The following FAM156A variants were observed in gnomAD, a reference collection of about 807,000 sequenced individuals.
The protein encoded by FAM156A is protein FAM156A/FAM156B.
chrX:52,979,477 C>T (rs1235740096), intron 1 of FAM156A, among the ~76,000 whole-genome samples: 1 of 111,091 alleles, frequency 9.0e-6, no homozygotes, highest in Non-Finnish European at 1.9e-5. Context: ...CACCAACAGA[C>T]ACCTGCCCCT....
Position 52,984,834 on chromosome X carries a change from A to C in FAM156A, c.-434+10472T>G, listed in dbSNP as rs981019659. On this transcript the variant is annotated intron_variant, in intron 1 of 4. Transcript: ENST00000610625. The stretch of plus-strand genomic sequence containing the variant: ...CAGTGAGCTGAGATTGCACCACTGC[A>C]CTCCAGCCTGGGTGACAGAGTGAGA... Among the ~76,000 whole-genome samples, 10 of 109,842 alleles carry C rather than the reference A, an allele frequency of 9.1e-5. 1 individual carries two copies. The highest frequency in any genetic ancestry group is 1.7e-4 in the Non-Finnish European group (9 of 52,562).
chrX:52,980,018 C>T (rs782214218), intron 1 of FAM156A, among the ~76,000 whole-genome samples: 26 of 112,343 alleles, frequency 2.3e-4, no homozygotes, highest in Non-Finnish European at 4.1e-4. Context: ...TTATTGGAAG[C>T]GGCTACTGGC....
chrX:52,992,784 CCT>C (rs1930876042), intron 1 of FAM156A, among the ~76,000 whole-genome samples: 1 of 111,487 alleles, frequency 9.0e-6, no homozygotes, highest in Non-Finnish European at 1.9e-5. Flanking sequence ...TCCCCTTCTG[CCT>C]CTCTCTTCCA....
At chrX:52,983,765 A>T (rs1556793869) in intron 1 of FAM156A, among the ~76,000 whole-genome samples, 1 of 112,357 alleles carries the variant, frequency 8.9e-6, no homozygotes, top group Non-Finnish European at 1.9e-5. Context: ...AAAAGACGCC[A>T]AGGAATGCAG....
chrX:52,991,257 T>C (rs1278951454), intron 1 of FAM156A, among the ~76,000 whole-genome samples: 1 of 110,767 alleles, frequency 9.0e-6, no homozygotes, highest in Non-Finnish European at 1.9e-5. Flanking sequence ...TCCAAAGGCC[T>C]GAGAACCAGC....
At chrX:52,980,851 T>TGTGTGTGG (rs1356126923) in intron 1 of FAM156A, among the ~76,000 whole-genome samples, 14 of 43,950 alleles carry the variant, frequency 3.2e-4, no homozygotes, top group East Asian at 1.7e-3. Context: ...TGTGTGTGTG[T>TGTGTGTGG]AGAGGGAGAG....
intron 1 of FAM156A, among the ~76,000 whole-genome samples, chrX:52,990,909 C>T (rs868994709): frequency 9.0e-6 from 1 of 111,180 alleles, no homozygotes; most frequent in African/African-American, 3.3e-5. Context: ...AGGAAGGCCT[C>T]GGCAAAGGAC....
intron 1 of FAM156A, among the ~76,000 whole-genome samples, chrX:52,988,609 C>T (rs1248809510): frequency 8.9e-6 from 1 of 112,421 alleles, no homozygotes; most frequent in Non-Finnish European, 1.9e-5. Context: ...AATTTGCCCA[C>T]CAGACAGGTT....
intron 1 of FAM156A, among the ~76,000 whole-genome samples, chrX:52,977,029 T>TATAC (rs1929521261): frequency 9.4e-6 from 1 of 105,969 alleles, no homozygotes; most frequent in African/African-American, 3.4e-5. Flanking sequence ...TATATATATA[T>TATAC]ACACACACAC....
chrX:52,987,714 T>G (rs1410654731), intron 1 of FAM156A, among the ~76,000 whole-genome samples: 1 of 96,644 alleles, frequency 1.0e-5, no homozygotes, highest in Non-Finnish European at 1.9e-5. Flanking sequence ...GAACAGTCTT[T>G]TCAACAAATG....
At chrX:52,988,257 AGAAAAGAAAAGAAAAGAAAG>A (rs1189656733) in intron 1 of FAM156A, among the ~76,000 whole-genome samples, 2 of 108,520 alleles carry the variant, frequency 1.8e-5, no homozygotes, top group African/African-American at 3.5e-5. Flanking sequence ...AAAAAAAAAA[AGAAAAGAAAAGAAAAGAAAG>A]GAAAAGAAAA....
chrX:52,973,291 C>T (rs1220556491), intron 1 of FAM156A, among the ~76,000 whole-genome samples: 2 of 109,186 alleles, frequency 1.8e-5, no homozygotes, highest in African/African-American at 3.4e-5. Context: ...ATAACTACAG[C>T]AACAACACAA....
chrX:52,985,059 C>T (rs1930177258), intron 1 of FAM156A, among the ~76,000 whole-genome samples: 1 of 110,976 alleles, frequency 9.0e-6, no homozygotes, highest in African/African-American at 3.3e-5. Flanking sequence ...ATTGTATTTA[C>T]ATTTACAGAA....
At chrX:52,978,313 G>A (rs1929628663) in intron 1 of FAM156A, among the ~76,000 whole-genome samples, 1 of 112,016 alleles carries the variant, frequency 8.9e-6, no homozygotes, top group African/African-American at 3.2e-5. Flanking sequence ...ATGCCCCAGG[G>A]AAATGCGGGA....
chrX:52,990,288 C>T (rs782495672), intron 1 of FAM156A, among the ~76,000 whole-genome samples: 5 of 112,014 alleles, frequency 4.5e-5, no homozygotes, highest in Non-Finnish European at 7.5e-5. Context: ...AAGACCTCAC[C>T]GTGGGACCAC....
chrX:52,981,495 T>C (rs1378642376), intron 1 of FAM156A, among the ~76,000 whole-genome samples: 4 of 111,681 alleles, frequency 3.6e-5, no homozygotes, highest in African/African-American at 1.3e-4. Flanking sequence ...CATACATTAG[T>C]CAGGCAGGAG....
rs943937754 is a variant in FAM156A at position 52,985,841 on chromosome X, C to G, written c.-434+9465G>C. Among the ~76,000 whole-genome samples the G allele has an allele frequency of 2.7e-5, 3 of 110,044 alleles. No individual in the cohort carries two copies. The East Asian group carries it at 8.5e-4, about 31-fold the overall frequency. On this transcript the variant is annotated intron_variant, in intron 1 of 4. Transcript: ENST00000610625. ...CTGTAATCCCAGCACCTTGGGAAGC[C>G]AAGGTGGGTGGATCACTTGAGGTCA...
chrX:52,991,304 G>A (rs1021372184), intron 1 of FAM156A, among the ~76,000 whole-genome samples: 2 of 110,820 alleles, frequency 1.8e-5, no homozygotes, highest in Non-Finnish European at 3.8e-5. Context: ...CTGAAGGCTT[G>A]AAAACCCGGA....
intron 1 of FAM156A, among the ~76,000 whole-genome samples, chrX:52,975,848 T>A (rs1487205889): frequency 8.9e-6 from 1 of 111,956 alleles, no homozygotes; most frequent in African/African-American, 3.2e-5. Context: ...TAAGGAGACG[T>A]CATAAAGATC....
Sources: gnomAD v4.1 joint callset for allele counts (sites outside exome capture counted in the v4.1 genomes callset) on GRCh38, gnomAD v4.1.1 for gene constraint, MANE v1.5 for transcripts, NCBI Gene and HGNC (gene_info 2026-07-23, HGNC 2026-07-21) for gene names.